The following MYOCD variants were observed in gnomAD, a reference collection of about 807,000 sequenced individuals.
The protein encoded by MYOCD is myocardin.
Under a neutral mutation model 96.1 loss-of-function variants are expected in MYOCD, and 32 were observed. The observed-to-expected ratio is 0.33, with a 90% CI of 0.25 to 0.45. The LOEUF (loss-of-function observed/expected upper bound fraction) is 0.45. Ranked by LOEUF, MYOCD falls within the 20% of genes least tolerant of loss-of-function variation. The pLI, the probability that MYOCD is intolerant of heterozygous loss-of-function variation, is 1.00. For synonymous variants in MYOCD, 469 were observed against 469.0 expected (o/e 1.00, Z 0.00); for missense variants, 1,133 against 1,200.6 (o/e 0.94, Z 0.83).
At chr17:12,746,671 G>A (rs1425985128) in intron 9 of MYOCD, among the ~76,000 whole-genome samples, 2 of 151,632 alleles carry the variant, frequency 1.3e-5, no homozygotes, top group Non-Finnish European at 2.9e-5. Flanking sequence ...ATTGGCTGGT[G>A]AGAGTTACGG....
At position 12,666,035 on chromosome 17, in the gene MYOCD, A is replaced by T; in HGVS notation, c.-154A>T. 1.8e-6 allele frequency: 1 copy of T among 569,614 alleles called. No homozygotes were observed. Among genetic ancestry groups the T allele is most frequent in the African/African-American group, 1.9e-5 (1 of 52,322 alleles). The allele number at this position is 569,614 out of a possible 1,614,324, so 35.3% of individuals were successfully genotyped here. On this transcript the variant is annotated 5_prime_UTR_variant, in exon 1 of 14. Coordinates refer to ENST00000425538, the MANE Select transcript of MYOCD (RefSeq NM_001146312.3). The stretch of plus-strand genomic sequence containing the variant: ...GGGGAGGCGCCAGTTTTCTGGGGAC[A>T]CTGGCTGCCACTGTACTCCTACCCA...
At chr17:12,677,379 T>A (rs1211165229) in intron 1 of MYOCD, among the ~76,000 whole-genome samples, 1 of 151,994 alleles carries the variant, frequency 6.6e-6, no homozygotes, top group African/African-American at 2.4e-5. Context: ...GTAACAAACC[T>A]GCACATCCTG....
chr17:12,698,978 A>G (rs1385675456), intron 1 of MYOCD, among the ~76,000 whole-genome samples: 2 of 151,516 alleles, frequency 1.3e-5, no homozygotes, highest in Admixed American at 6.6e-5. Context: ...TCCTGACCTC[A>G]TGATCTGCCC....
chr17:12,756,474 C>G lies in MYOCD; in HGVS notation c.2119C>G (p.Pro707Ala). 1 of 1,551,970 alleles carries G rather than the reference C, an allele frequency of 6.4e-7. No individual in the cohort carries two copies. Among genetic ancestry groups the G allele is most frequent in the East Asian group, 2.4e-5 (1 of 40,868 alleles). The change falls in exon 11 of 14, where the codon CCG (proline) becomes GCG (alanine). Residue 707 changes from proline to alanine, a missense_variant. Pro to Ala is a conservative substitution (Grantham distance 27). Transcript: ENST00000425538. ...CTCTCCCCATTCTTCCAGCCTCCAC[C>G]CGCCCTTCTCTGGAGCCCAAGCAGA... ...SFSPHSSSLH[P>A]PFSGAQADSS...
At chr17:12,668,899 C>T (rs1172111666) in intron 1 of MYOCD, among the ~76,000 whole-genome samples, 1 of 151,920 alleles carries the variant, frequency 6.6e-6, no homozygotes. Flanking sequence ...GTGGGACCGG[C>T]GGTTGGTCAG....
chr17:12,677,995 C>T (rs375696509), intron 1 of MYOCD, among the ~76,000 whole-genome samples: 7 of 150,384 alleles, frequency 4.7e-5, no homozygotes, highest in African/African-American at 9.8e-5. Flanking sequence ...CAGGTTCTAG[C>T]GATTCTCCTG....
intron 1 of MYOCD, 52 bp from the exon 2 acceptor site, chr17:12,705,076 T>C (rs373660738): frequency 4.4e-5 from 49 of 1,101,186 alleles, no homozygotes; most frequent in Non-Finnish European, 6.5e-5. Flanking sequence ...GAAAATATAA[T>C]GATTGTAATG....
intron 1 of MYOCD, among the ~76,000 whole-genome samples, chr17:12,684,205 G>A (rs1008248143): frequency 1.3e-5 from 2 of 151,686 alleles, no homozygotes; most frequent in Admixed American, 1.3e-4. Context: ...TTATTCCCAA[G>A]TGGACTTTCT....
chr17:12,758,671 A>G (rs554487992), intron 12 of MYOCD, among the ~76,000 whole-genome samples: 1 of 152,342 alleles, frequency 6.6e-6, no homozygotes, highest in East Asian at 1.9e-4. Context: ...CGGGTATTGA[A>G]GCTGGATAAT....
At chr17:12,699,908 C>CT (rs35667292) in intron 1 of MYOCD, among the ~76,000 whole-genome samples, 2,039 of 101,470 alleles carry the variant, frequency 0.02, 45 homozygotes, top group Non-Finnish European at 0.029. Flanking sequence ...TTTTTTTTAC[C>CT]TTTTTTTTTT....
intron 1 of MYOCD, among the ~76,000 whole-genome samples, chr17:12,683,288 C>T (rs753940837): frequency 2.6e-5 from 4 of 152,104 alleles, no homozygotes; most frequent in African/African-American, 4.8e-5. Context: ...AAAAACCATG[C>T]GGATGGCAGA....
At chr17:12,695,296 G>A (rs2030693548) in intron 1 of MYOCD, among the ~76,000 whole-genome samples, 1 of 152,186 alleles carries the variant, frequency 6.6e-6, no homozygotes, top group South Asian at 2.1e-4. Flanking sequence ...CGTGGTGGAA[G>A]GGGCCAGACA....
chr17:12,674,908 T>C (rs1597722025), intron 1 of MYOCD, among the ~76,000 whole-genome samples: 1 of 152,186 alleles, frequency 6.6e-6, no homozygotes, highest in Non-Finnish European at 1.5e-5. Context: ...CTTATGGCCA[T>C]GGCCAGGTTA....
chr17:12,698,570 A>G (rs1001050030), intron 1 of MYOCD, among the ~76,000 whole-genome samples: 1 of 152,216 alleles, frequency 6.6e-6, no homozygotes, highest in African/African-American at 2.4e-5. Flanking sequence ...TATGTAATGA[A>G]TGATTGAACG....
chr17:12,674,327 A>G (rs536357403), intron 1 of MYOCD, among the ~76,000 whole-genome samples: 1 of 152,232 alleles, frequency 6.6e-6, no homozygotes, highest in Non-Finnish European at 1.5e-5. Context: ...AACTCCAGGC[A>G]TATATCCAAT....
chr17:12,757,376 C>A (rs1300408312), intron 11 of MYOCD, among the ~76,000 whole-genome samples: 3 of 152,188 alleles, frequency 2.0e-5, no homozygotes, highest in African/African-American at 7.2e-5. Flanking sequence ...TCAAAATAAA[C>A]AAAGCTGGTT....
chr17:12,722,732 A>AG, intron 4 of MYOCD, 115 bp from the exon 5 acceptor site: 1 of 785,014 alleles, frequency 1.3e-6, no homozygotes, highest in Non-Finnish European at 2.0e-6. Flanking sequence ...AAAAATTATT[A>AG]GGATGGTAGA....
Position 12,753,334 on chromosome 17 carries a change from G to A in MYOCD, c.2046G>A (p.Val682=), listed in dbSNP as rs1165645822. The A allele has an allele frequency of 1.9e-6, 3 of 1,600,112 alleles. No individual in the cohort carries two copies. The highest frequency in any genetic ancestry group is 2.6e-6 in the Non-Finnish European group (3 of 1,173,448). Residue 682 remains valine, a synonymous_variant, in exon 10 of 14, where the codon GTG becomes GTA. Transcript: ENST00000425538. The part of the protein sequence containing the change: ...HRVSSPISSQ[V]CTAQNSGAHD... Reference sequence around the variant, plus strand: ...TCTCCTCGCCCATCAGCAGCCAGGTGTGCACTGCACAGGTAAGAGCACCTT... The same window carrying A: ...TCTCCTCGCCCATCAGCAGCCAGGTATGCACTGCACAGGTAAGAGCACCTT...
chr17:12,724,531 A>C (rs2031940144), intron 5 of MYOCD, among the ~76,000 whole-genome samples: 1 of 151,804 alleles, frequency 6.6e-6, no homozygotes, highest in Non-Finnish European at 1.5e-5. Flanking sequence ...TTATATGGTC[A>C]ATTTTACCTA....
Sources: allele counts gnomAD v4.1 joint callset (sites outside exome capture counted in the v4.1 genomes callset), GRCh38; gene constraint gnomAD v4.1.1; transcripts MANE v1.5; gene names NCBI Gene and HGNC (gene_info 2026-07-23, HGNC 2026-07-21).